SAMD3: variants seen among roughly 807,000 people sequenced by gnomAD.
The protein encoded by SAMD3 is sterile alpha motif domain-containing protein 3.
In SAMD3, 63 loss-of-function variants were observed where a neutral mutation model predicts 58.5. The observed-to-expected ratio is 1.08, with a 90% CI of 0.88 to 1.33. SAMD3 has a LOEUF of 1.33. Among genes scored for constraint, SAMD3 ranks in the 40% most tolerant of loss-of-function variants. The pLI is 0.00. For synonymous variants in SAMD3, 220 were observed against 210.3 expected (o/e 1.05, Z -0.40); for missense variants, 604 against 608.4 (o/e 0.99, Z 0.08).
intron 2 of SAMD3, among the ~76,000 whole-genome samples, chr6:130,309,291 T>A (rs1562513826): frequency 6.6e-6 from 1 of 152,204 alleles, no homozygotes; most frequent in Non-Finnish European, 1.5e-5. Context: ...TCTGTGTTTA[T>A]AACCCAGCTC....
chr6:130,174,338 T>A (rs113371209), intron 8 of SAMD3, among the ~76,000 whole-genome samples: 2,480 of 152,240 alleles, frequency 0.016, 54 homozygotes, highest in African/African-American at 0.054. Context: ...GATCTGCAGA[T>A]TGCAAAAACT....
At chr6:130,193,364 T>G (rs112125004) in intron 5 of SAMD3, among the ~76,000 whole-genome samples, 1 of 151,672 alleles carries the variant, frequency 6.6e-6, no homozygotes, top group African/African-American at 2.4e-5. Context: ...TTCTGTGCCC[T>G]GACCTCTTAC....
chr6:130,264,541 A>T (rs1038182871), intron 2 of SAMD3, among the ~76,000 whole-genome samples: 9 of 152,180 alleles, frequency 5.9e-5, no homozygotes, highest in Non-Finnish European at 1.2e-4. Context: ...CTGGCATTTC[A>T]TCAACCAGAG....
At chr6:130,291,631 T>C (rs764930753) in intron 2 of SAMD3, among the ~76,000 whole-genome samples, 27 of 152,232 alleles carry the variant, frequency 1.8e-4, no homozygotes, top group Non-Finnish European at 3.7e-4. Context: ...CATCTGAACA[T>C]ACCAGCATGA....
At chr6:130,238,104 T>C (rs1028412932) in intron 2 of SAMD3, among the ~76,000 whole-genome samples, 8 of 152,196 alleles carry the variant, frequency 5.3e-5, no homozygotes, top group African/African-American at 1.9e-4. Context: ...GTTTGTTTTA[T>C]AGTTCAAAGT....
intron 2 of SAMD3, among the ~76,000 whole-genome samples, chr6:130,235,030 G>A (rs761981388): frequency 3.3e-5 from 5 of 152,128 alleles, no homozygotes; most frequent in Non-Finnish European, 5.9e-5. Flanking sequence ...TGGGAGGATC[G>A]CTTCAGCTTG....
intron 2 of SAMD3, among the ~76,000 whole-genome samples, chr6:130,287,226 G>A (rs181487407): frequency 9.2e-5 from 14 of 152,192 alleles, no homozygotes; most frequent in South Asian, 2.1e-4. Flanking sequence ...CCTTTGACAC[G>A]CCATACTTCT....
At chr6:130,151,369 G>A (rs1176849165) in intron 9 of SAMD3, among the ~76,000 whole-genome samples, 4 of 151,956 alleles carry the variant, frequency 2.6e-5, no homozygotes, top group African/African-American at 9.7e-5. Context: ...TGTTAACAGT[G>A]GGAAGACTAG....
At chr6:130,276,633 A>G (rs948433980) in intron 2 of SAMD3, among the ~76,000 whole-genome samples, 2 of 152,294 alleles carry the variant, frequency 1.3e-5, no homozygotes, top group Non-Finnish European at 2.9e-5. Context: ...ATACACTTAC[A>G]TTATAATAAG....
chr6:130,348,860 GA>G (rs1777552428), intron 1 of SAMD3, among the ~76,000 whole-genome samples: 1 of 152,052 alleles, frequency 6.6e-6, no homozygotes, highest in South Asian at 2.1e-4. Context: ...TAAAAGAACA[GA>G]AATTATAACA....
At chr6:130,199,806 T>C (rs1794476250) in intron 5 of SAMD3, among the ~76,000 whole-genome samples, 1 of 152,220 alleles carries the variant, frequency 6.6e-6, no homozygotes, top group Non-Finnish European at 1.5e-5. Flanking sequence ...CCGTGAATTC[T>C]GAAAAATGTT....
At chr6:130,239,002 G>T (rs184892525) in intron 2 of SAMD3, among the ~76,000 whole-genome samples, 1 of 152,052 alleles carries the variant, frequency 6.6e-6, no homozygotes, top group African/African-American at 2.4e-5. Context: ...CAAGTCATCC[G>T]CCTGCTTCGG....
intron 2 of SAMD3, among the ~76,000 whole-genome samples, chr6:130,270,246 C>G (rs982326730): frequency 6.6e-6 from 1 of 152,146 alleles, no homozygotes; most frequent in Non-Finnish European, 1.5e-5. Flanking sequence ...TGTGTGCCAC[C>G]AGGCCCTGGC....
chr6:130,228,174 C>T (rs1796437247), intron 2 of SAMD3, among the ~76,000 whole-genome samples: 1 of 152,128 alleles, frequency 6.6e-6, no homozygotes, highest in Admixed American at 6.5e-5. Context: ...TATACAAAGC[C>T]AGATGGATAT....
chr6:130,219,196 A>G (rs1796121485), intron 1 of SAMD3, among the ~76,000 whole-genome samples: 1 of 152,174 alleles, frequency 6.6e-6, no homozygotes, highest in African/African-American at 2.4e-5. Context: ...TTTTTCATAC[A>G]TCACGGTCTG....
At chr6:130,145,220 TGTACTCCA>T (rs1384734579) in intron 11 of SAMD3, 112 bp downstream of exon 11, 2 of 488,410 alleles carry the variant, frequency 4.1e-6, no homozygotes, top group Non-Finnish European at 6.8e-6. Context: ...ATCACGCCAT[TGTACTCCA>T]GCCTGGGCAA....
intron 1 of SAMD3, among the ~76,000 whole-genome samples, chr6:130,216,894 C>T (rs559133903): frequency 6.6e-6 from 1 of 152,064 alleles, no homozygotes; most frequent in East Asian, 1.9e-4. Context: ...AAGATTAGGA[C>T]TTAGGGAAAA....
intron 2 of SAMD3, among the ~76,000 whole-genome samples, chr6:130,260,853 G>C (rs971344204): frequency 6.6e-6 from 1 of 152,326 alleles, no homozygotes; most frequent in African/African-American, 2.4e-5. Context: ...ACTGGTACTT[G>C]GAGTCTGGAC....
chr6:130,229,558 C>A (rs1405999082), intron 2 of SAMD3, among the ~76,000 whole-genome samples: 2 of 152,126 alleles, frequency 1.3e-5, no homozygotes, highest in Non-Finnish European at 2.9e-5. Flanking sequence ...CTGACACTTT[C>A]TTAAACAGTG....
Sources: gnomAD v4.1 joint callset for allele counts (sites outside exome capture counted in the v4.1 genomes callset) on GRCh38, gnomAD v4.1.1 for gene constraint, MANE v1.5 for transcripts, NCBI Gene and HGNC (gene_info 2026-07-23, HGNC 2026-07-21) for gene names.